The following WIPF3 variants were observed in gnomAD, a reference collection of about 807,000 sequenced individuals.
The protein encoded by WIPF3 is WAS/WASL interacting protein family member 3, also known as WAS/WASL-interacting protein family member 3.
A neutral mutation model predicts 38.9 loss-of-function variants in WIPF3; 33 were observed. That is an observed-to-expected ratio of 0.85 (90% CI 0.64 to 1.14). WIPF3 has a LOEUF of 1.14. WIPF3 is among the 50% of genes most tolerant of loss of function. The probability of loss-of-function intolerance (pLI) is 0.00; values close to 1 mark genes in which losing one functional copy is unlikely to be tolerated. For synonymous variants in WIPF3, 324 were observed against 269.3 expected, an observed-to-expected ratio of 1.20 and a Z score of -1.99; for missense variants, 711 against 652.5, an observed-to-expected ratio of 1.09 and a Z score of -0.98.
intron 2 of WIPF3, among the ~76,000 whole-genome samples, chr7:29,874,161 G>A (rs1221202978): frequency 6.6e-6 from 1 of 151,648 alleles, no homozygotes; most frequent in Non-Finnish European, 1.5e-5. Flanking sequence ...CTCTCTGCTT[G>A]GTGCATGCGT....
At chr7:29,824,977 C>T (rs1352897597) in intron 1 of WIPF3, among the ~76,000 whole-genome samples, 1 of 152,166 alleles carries the variant, frequency 6.6e-6, no homozygotes, top group Non-Finnish European at 1.5e-5. Flanking sequence ...TTTGTTTCTT[C>T]TTGTACCCAA....
At chr7:29,809,201 A>G (rs1562767399) in intron 1 of WIPF3, among the ~76,000 whole-genome samples, 1 of 152,196 alleles carries the variant, frequency 6.6e-6, no homozygotes, top group Non-Finnish European at 1.5e-5. Flanking sequence ...TTTCTGCCTA[A>G]TATTCCGAAC....
intron 1 of WIPF3, among the ~76,000 whole-genome samples, chr7:29,825,107 A>G (rs117339415): frequency 0.011 from 1,708 of 152,332 alleles, 18 homozygotes; most frequent in Non-Finnish European, 0.02. Context: ...CACCATTCGT[A>G]TAAAATCTAG....
intron 1 of WIPF3, among the ~76,000 whole-genome samples, chr7:29,813,552 A>G (rs566935831): frequency 5.3e-5 from 8 of 152,236 alleles, no homozygotes; most frequent in Admixed American, 1.3e-4. Context: ...ACAATTAAGT[A>G]AATTTTCATG....
chr7:29,822,133 T>G (rs1363035821), intron 1 of WIPF3, among the ~76,000 whole-genome samples: 1 of 146,932 alleles, frequency 6.8e-6, no homozygotes, highest in Non-Finnish European at 1.5e-5. Context: ...GTTTTTTTTT[T>G]TTTTTTTTTT....
intron 8 of WIPF3, among the ~76,000 whole-genome samples, chr7:29,907,904 A>G (rs1786428960): frequency 6.6e-6 from 1 of 152,232 alleles, no homozygotes; most frequent in African/African-American, 2.4e-5. Context: ...AAATTTAAAC[A>G]TTTCACTACA....
chr7:29,902,267 T>TA (rs1786299700), intron 7 of WIPF3, among the ~76,000 whole-genome samples: 1 of 107,282 alleles, frequency 9.3e-6, no homozygotes, highest in Non-Finnish European at 2.1e-5. Context: ...TTCTTCTTCT[T>TA]CTTCTTCTTT....
intron 6 of WIPF3, among the ~76,000 whole-genome samples, chr7:29,888,570 G>A (rs1785939495): frequency 6.6e-6 from 1 of 151,902 alleles, no homozygotes; most frequent in South Asian, 2.1e-4. Context: ...TGAAAGAGTA[G>A]AATGATATGG....
Position 29,884,264 on chromosome 7 carries a change from T to TGACC in WIPF3, c.770_771insGACC (p.Pro258ThrfsTer61). On this transcript the variant is annotated frameshift_variant, in exon 5 of 9. Transcript: ENST00000242140. LOFTEE classifies it high-confidence loss of function. ...AAGCCTCAGCTGGCTCCCTTGCACC[T>TGACC]CCCGCCCATCCCGCCCCCGCTCCCT... 1.5e-6 allele frequency: 2 copies of TGACC among 1,315,280 alleles called. No individual in the cohort carries two copies. The highest frequency in any genetic ancestry group is 2.0e-6 in the Non-Finnish European group (2 of 992,706). 81.5% of individuals were successfully genotyped at this position (1,315,280 alleles called of 1,614,324 possible).
intron 1 of WIPF3, among the ~76,000 whole-genome samples, chr7:29,824,942 G>A (rs1345675872): frequency 4.6e-5 from 7 of 152,098 alleles, no homozygotes; most frequent in Admixed American, 2.0e-4. Flanking sequence ...ACCTAAAGTC[G>A]CACCCAAAAC....
rs939706860 is a variant in WIPF3, at chr7:29,830,534, C to T, written c.-57-4134C>T. 4.7e-5 allele frequency among the ~76,000 whole-genome samples: 7 copies of T among 150,170 alleles called. 1 individual carries two copies. The East Asian group carries it at 7.9e-4, about 17-fold the overall frequency. Reference sequence around the variant, plus strand: ...ACTTGGGAGGCTGAGGTGGGAGGATCGCTTGAACCCAGGAGGTGGAGGTTG... The same window carrying T: ...ACTTGGGAGGCTGAGGTGGGAGGATTGCTTGAACCCAGGAGGTGGAGGTTG... On this transcript the variant is annotated intron_variant, in intron 1 of 8. Transcript: ENST00000242140.
intron 2 of WIPF3, among the ~76,000 whole-genome samples, chr7:29,841,538 C>G (rs1369327521): frequency 6.6e-6 from 1 of 152,182 alleles, no homozygotes; most frequent in Non-Finnish European, 1.5e-5. Context: ...TTGTCTGGCA[C>G]AGTGGCTCAA....
chr7:29,875,918 G>A lies in WIPF3; in HGVS notation c.179G>A (p.Arg60His), dbSNP rs145862657. ...LADIQQGTRL[R>H]KVTQINDRSA... is the part of the protein sequence containing the mutation. ...GATATCCAGCAAGGAACTCGCCTGC[G>A]CAAAGTCACGCAGATCAACGACCGC... is the stretch of plus-strand genomic sequence containing the variant. The change falls in exon 3 of 9, where the codon CGC becomes CAC. Residue 60 changes from arginine to histidine, a missense_variant. Arg to His is a conservative substitution (Grantham distance 29). Transcript: ENST00000242140. The A allele has an allele frequency of 1.2e-4, 193 of 1,614,046 alleles. No homozygotes were observed. In the African/African-American group the frequency reaches 2.1e-3, roughly 18 times the overall value.
intron 7 of WIPF3, among the ~76,000 whole-genome samples, chr7:29,903,244 T>C (rs893899979): frequency 2.0e-5 from 3 of 152,054 alleles, no homozygotes; most frequent in Non-Finnish European, 4.4e-5. Flanking sequence ...CAGTGAGTCA[T>C]GATCATATCA....
In WIPF3 at chr7:29,915,086, T is replaced by C. The variant is rs1392568730; in HGVS notation, c.*570T>C. ...TTTTGCAGTACAGGGAATTTTTTTT[T>C]TTTTTTTTTTTTTTTTTTTTGCTGC... is the stretch of plus-strand genomic sequence containing the variant. On this transcript the variant is annotated 3_prime_UTR_variant, in exon 9 of 9. Transcript: ENST00000242140. The C allele has an allele frequency of 2.8e-5, 4 of 141,110 alleles. No homozygotes were observed. The East Asian group carries it at 8.2e-4, about 29-fold the overall frequency. The allele number at this position is 141,110 out of a possible 1,614,324, so 8.7% of individuals were successfully genotyped here. A position where few individuals can be genotyped will look rare whatever the true frequency, so the allele number is the denominator to read the frequency against.
intron 3 of WIPF3, among the ~76,000 whole-genome samples, chr7:29,876,361 A>G (rs1254798116): frequency 6.6e-6 from 1 of 152,244 alleles, no homozygotes; most frequent in Non-Finnish European, 1.5e-5. Flanking sequence ...CCCCTAAAGG[A>G]AATCTCATAC....
intron 8 of WIPF3, among the ~76,000 whole-genome samples, chr7:29,914,026 A>G (rs1469005775): frequency 6.6e-6 from 1 of 152,222 alleles, no homozygotes; most frequent in Non-Finnish European, 1.5e-5. Context: ...GAGACACAAA[A>G]CAATTGAGAA....
chr7:29,913,121 C>T (rs996773750), intron 8 of WIPF3, among the ~76,000 whole-genome samples: 1 of 152,090 alleles, frequency 6.6e-6, no homozygotes, highest in Non-Finnish European at 1.5e-5. Context: ...CCAAGGCAGT[C>T]GGATCACCTG....
rs1227653775 is a variant in WIPF3 at position 29,868,030 on chromosome 7, T to G, written c.91-7800T>G. Among the ~76,000 whole-genome samples, 7 of 152,110 alleles carry G rather than the reference T, an allele frequency of 4.6e-5. No homozygotes were observed. The East Asian group carries it at 1.4e-3, about 29-fold the overall frequency. On this transcript the variant is annotated intron_variant, in intron 2 of 8. Coordinates refer to ENST00000242140, the MANE Select transcript of WIPF3 (RefSeq NM_001080529.3). Reference sequence around the variant, plus strand: ...CAAGACCAATATGTAGAAGCTATAATACTGGGCAAGATATGAGCAGTGCTG... The same window carrying G: ...CAAGACCAATATGTAGAAGCTATAAGACTGGGCAAGATATGAGCAGTGCTG...
Sources: allele counts gnomAD v4.1 joint callset (sites outside exome capture counted in the v4.1 genomes callset), GRCh38; gene constraint gnomAD v4.1.1; transcripts MANE v1.5; gene names NCBI Gene and HGNC (gene_info 2026-07-23, HGNC 2026-07-21).